MEIS2: variants seen among roughly 807,000 people sequenced by gnomAD.
MEIS2 encodes the protein homeobox protein Meis2.
A neutral mutation model predicts 58.6 loss-of-function variants in MEIS2; 9 were observed. That is an observed-to-expected ratio of 0.15 (90% CI 0.09 to 0.27). The LOEUF is 0.27. Among genes scored for constraint, MEIS2 ranks in the 10% least tolerant of loss-of-function variants. MEIS2 has a pLI of 1.00. For missense variants in MEIS2, 427 were observed against 635.0 expected, an observed-to-expected ratio of 0.67 and a Z score of 3.52; for synonymous variants, 221 against 228.4, an observed-to-expected ratio of 0.97 and a Z score of 0.29.
At chr15:36,948,106 A>G (rs2058635884) in intron 9 of MEIS2, among the ~76,000 whole-genome samples, 1 of 151,948 alleles carries the variant, frequency 6.6e-6, no homozygotes, top group Non-Finnish European at 1.5e-5. Flanking sequence ...GGGCAGGATT[A>G]TAGGATTTTT....
chr15:37,024,279 G>C (rs1269059574), intron 8 of MEIS2, among the ~76,000 whole-genome samples: 3 of 152,010 alleles, frequency 2.0e-5, no homozygotes, highest in African/African-American at 7.2e-5. Flanking sequence ...TGCTCCTACT[G>C]GTCTGATGTC....
At chr15:36,940,190 A>G (rs998689600) in intron 9 of MEIS2, among the ~76,000 whole-genome samples, 1 of 152,164 alleles carries the variant, frequency 6.6e-6, no homozygotes, top group Non-Finnish European at 1.5e-5. Context: ...AGGAAAATCT[A>G]TCTGAGCCTA....
At chr15:37,097,071 C>T (rs778101613) in intron 2 of MEIS2, among the ~76,000 whole-genome samples, 7 of 152,238 alleles carry the variant, frequency 4.6e-5, no homozygotes, top group Non-Finnish European at 1.0e-4. Context: ...CTTCCAAAGA[C>T]CACATTTCTC....
chr15:37,075,384 G>A (rs1194670206), intron 7 of MEIS2, among the ~76,000 whole-genome samples: 1 of 151,908 alleles, frequency 6.6e-6, no homozygotes, highest in Admixed American at 6.6e-5. Context: ...TGAGCTGATG[G>A]TCCATTGACA....
intron 6 of MEIS2, among the ~76,000 whole-genome samples, chr15:37,086,530 T>C (rs996636007): frequency 6.6e-5 from 10 of 152,202 alleles, no homozygotes; most frequent in African/African-American, 2.2e-4. Flanking sequence ...TCCCAAAATA[T>C]GCTTAAGTTC....
chr15:36,958,276 G>C (rs2141419442), intron 8 of MEIS2, among the ~76,000 whole-genome samples: 1 of 152,188 alleles, frequency 6.6e-6, no homozygotes, highest in East Asian at 1.9e-4. Flanking sequence ...AAGGAATACT[G>C]AATGAGCCTG....
rs998112607 is a variant in MEIS2 at position 36,890,509 on chromosome 15, A to G, written c.*1664T>C. The G allele has an allele frequency of 6.6e-6, 1 of 152,192 alleles. No homozygotes were observed. The highest frequency in any genetic ancestry group is 6.5e-5 in the Admixed American group (1 of 15,286). The allele number at this position is 152,192 out of a possible 1,614,324, so 9.4% of individuals were successfully genotyped here. ...TTTATAAAATATTAATGATTAAGTA[A>G]TCTTTTAAAGTCAGAATTTCAAACT... On this transcript the variant is annotated 3_prime_UTR_variant, in exon 12 of 12. Coordinates refer to ENST00000561208, the MANE Select transcript of MEIS2 (RefSeq NM_170675.5).
intron 9 of MEIS2, among the ~76,000 whole-genome samples, chr15:36,914,415 C>T (rs913834917): frequency 1.8e-4 from 27 of 152,166 alleles, no homozygotes; most frequent in Non-Finnish European, 3.1e-4. Flanking sequence ...TTAATTGCTA[C>T]GTGAAAGATT....
intron 5 of MEIS2, 119 bp downstream of exon 5, chr15:37,094,408 A>C (rs1893938816): frequency 1.1e-6 from 1 of 925,286 alleles, no homozygotes; most frequent in Non-Finnish European, 1.7e-6. Flanking sequence ...GGACATGGTT[A>C]CATGCTCAAA....
intron 8 of MEIS2, among the ~76,000 whole-genome samples, chr15:37,018,350 G>A (rs757847773): frequency 6.6e-6 from 1 of 152,142 alleles, no homozygotes; most frequent in African/African-American, 2.4e-5. Context: ...AGGACCTTGC[G>A]CATGTGCTTC....
intron 9 of MEIS2, among the ~76,000 whole-genome samples, chr15:36,920,590 A>T (rs2057467005): frequency 6.6e-6 from 1 of 152,236 alleles, no homozygotes; most frequent in African/African-American, 2.4e-5. Flanking sequence ...TTGAGCCCAC[A>T]TGGGATGATG....
intron 7 of MEIS2, among the ~76,000 whole-genome samples, chr15:37,050,468 G>A (rs1002431277): frequency 6.6e-6 from 1 of 152,126 alleles, no homozygotes; most frequent in Non-Finnish European, 1.5e-5. Flanking sequence ...TGGCCATAGA[G>A]TTGACGTGTC....
intron 8 of MEIS2, among the ~76,000 whole-genome samples, chr15:37,002,720 A>G (rs916140572): frequency 6.6e-6 from 1 of 152,118 alleles, no homozygotes; most frequent in African/African-American, 2.4e-5. Context: ...TATATTTCAC[A>G]TCTTGGCCCA....
At chr15:37,039,824 T>C (rs1189622301) in intron 7 of MEIS2, among the ~76,000 whole-genome samples, 5 of 152,234 alleles carry the variant, frequency 3.3e-5, no homozygotes, top group African/African-American at 1.2e-4. Context: ...CACAAAATTT[T>C]AAACTAATAT....
intron 8 of MEIS2, among the ~76,000 whole-genome samples, chr15:36,954,112 T>C (rs1171115253): frequency 6.6e-6 from 1 of 152,134 alleles, no homozygotes; most frequent in Non-Finnish European, 1.5e-5. Flanking sequence ...AAAGCTAGTA[T>C]CTGGAAGGCT....
intron 11 of MEIS2, among the ~76,000 whole-genome samples, 159 bp from the exon 12 acceptor site, chr15:36,892,618 A>G (rs1024088983): frequency 6.6e-6 from 1 of 152,200 alleles, no homozygotes; most frequent in Non-Finnish European, 1.5e-5. Context: ...GCAGACATTC[A>G]AATTGTAGTT....
chr15:37,064,912 T>C (rs1475976159), intron 7 of MEIS2, among the ~76,000 whole-genome samples: 3 of 152,198 alleles, frequency 2.0e-5, no homozygotes, highest in African/African-American at 7.2e-5. Context: ...CTAATTCCCA[T>C]TGAAATGTTG....
chr15:37,093,995 A>C (rs1893871842), intron 5 of MEIS2: 2 of 431,514 alleles, frequency 4.6e-6, no homozygotes. Context: ...GACTGGAAAT[A>C]ACTGGGTTCA....
chr15:36,950,239 GAA>G (rs11293336), intron 9 of MEIS2, 83 bp downstream of exon 9: 18,135 of 999,300 alleles, frequency 0.018, 2 homozygotes, highest in South Asian at 0.045. Flanking sequence ...ATTTGTTTTA[GAA>G]AAAAAAAAAA....
Sources: gnomAD v4.1 joint callset for allele counts (sites outside exome capture counted in the v4.1 genomes callset) on GRCh38, gnomAD v4.1.1 for gene constraint, MANE v1.5 for transcripts, NCBI Gene and HGNC (gene_info 2026-07-23, HGNC 2026-07-21) for gene names.